NOTCH3: variants seen among roughly 807,000 people sequenced by gnomAD.
NOTCH3 encodes the protein notch receptor 3.
Under a neutral mutation model 213.3 loss-of-function variants are expected in NOTCH3, and 86 were observed. The ratio of observed to expected loss-of-function variants is 0.40; its 90% confidence interval spans 0.34 to 0.48. The LOEUF is 0.48. NOTCH3 is among the 20% of genes least tolerant of loss of function. NOTCH3 has a pLI of 0.57. For missense variants in NOTCH3, 2,783 were observed against 3,272.6 expected, an observed-to-expected ratio of 0.85 and a Z score of 3.65; for synonymous variants, 1,354 against 1,355.9, an observed-to-expected ratio of 1.00 and a Z score of 0.03.
At chr19:15,166,426 A>G (rs1351852367) in intron 29 of NOTCH3, among the ~76,000 whole-genome samples, 1 of 152,176 alleles carries the variant, frequency 6.6e-6, no homozygotes, top group Non-Finnish European at 1.5e-5. Context: ...AACTCAAGGC[A>G]AAGAAACCAT....
rs765912287 is a variant in NOTCH3 at position 15,170,408 on chromosome 19, G to A, written c.5037C>T (p.Gly1679=). ...AGGCCACGTCCTTGTGCAGTGAGAA[G>A]CCCTCAGGGAACCAGAGGGTGCTGT... ...REHSTLWFPE[G]FSLHKDVASG... Residue 1679 remains glycine, a synonymous_variant, in exon 27 of 33, where the codon GGC becomes GGT. Coordinates refer to ENST00000263388, the MANE Select transcript of NOTCH3 (RefSeq NM_000435.3). The A allele has an allele frequency of 1.9e-6, 3 of 1,613,506 alleles. No homozygotes were observed. The highest frequency in any genetic ancestry group is 2.2e-5 in the East Asian group (1 of 44,882).
At chr19:15,166,814 C>A (rs2046689816) in intron 29 of NOTCH3, among the ~76,000 whole-genome samples, 1 of 152,182 alleles carries the variant, frequency 6.6e-6, no homozygotes, top group Admixed American at 6.5e-5. Context: ...CACCAGCAGA[C>A]CCGACCCCCA....
At chr19:15,188,497 A>G in intron 8 of NOTCH3, 149 bp from the exon 9 acceptor site, 1 of 693,234 alleles carries the variant, frequency 1.4e-6, no homozygotes, top group East Asian at 2.7e-5. Context: ...CTTAATTTTC[A>G]GCCACAGGCT....
At chr19:15,189,492 C>A in intron 6 of NOTCH3, 64 bp from the exon 7 acceptor site, 3 of 1,567,618 alleles carry the variant, frequency 1.9e-6, no homozygotes, top group South Asian at 1.1e-5. Flanking sequence ...GCCCACACCC[C>A]TTGAGTATTG....
At chr19:15,179,956 G>A (rs2046825448) in intron 20 of NOTCH3, 116 bp downstream of exon 20, 4 of 701,748 alleles carry the variant, frequency 5.7e-6, no homozygotes, top group Admixed American at 4.6e-5. Flanking sequence ...AGTCACAAAA[G>A]CAAAAACTCA....
At position 15,192,177 on chromosome 19, in the gene NOTCH3, G is replaced by A. The variant is rs2145442113; in HGVS notation, c.462C>T (p.Ser154=). Reference sequence around the variant, plus strand: ...GGCACTCATCCACGTCGCTTCGGCAGCTGCGGCCCTGGTAGCCAGGTGGGC... The same window carrying A: ...GGCACTCATCCACGTCGCTTCGGCAACTGCGGCCCTGGTAGCCAGGTGGGC... ...CSCPPGYQGR[S]CRSDVDECRV... is the part of the protein sequence containing the mutation. Residue 154 remains serine, a synonymous_variant, in exon 4 of 33, where the codon AGC becomes AGT. Coordinates refer to ENST00000263388, the MANE Select transcript of NOTCH3 (RefSeq NM_000435.3). 1 of 1,612,730 alleles carries A rather than the reference G, an allele frequency of 6.2e-7. No homozygotes were observed. Among genetic ancestry groups the A allele is most frequent in the Non-Finnish European group, 8.5e-7 (1 of 1,179,894 alleles).
At chr19:15,186,350 T>C (rs1239696417) in intron 12 of NOTCH3, among the ~76,000 whole-genome samples, 1 of 150,586 alleles carries the variant, frequency 6.6e-6, no homozygotes, top group Admixed American at 6.7e-5. Context: ...TCATCTATGT[T>C]CCAGAATAAT....
In NOTCH3 at chr19:15,178,950, G is replaced by C. The variant is rs767885627; in HGVS notation, c.3719-9C>G. The C allele has an allele frequency of 1.2e-6, 2 of 1,614,046 alleles. No homozygotes were observed. Among genetic ancestry groups the C allele is most frequent in the East Asian group, 2.2e-5 (1 of 44,874 alleles). On this transcript the variant is annotated splice_polypyrimidine_tract_variant and intron_variant, in intron 22 of 32. Coordinates refer to ENST00000263388, the MANE Select transcript of NOTCH3 (RefSeq NM_000435.3). ...AGTCTGACAGCGAGGACCTGAGCGAGCGGGAGCATGTAGATCAGCCACAAT... is the reference window on the plus strand; with the variant it reads ...AGTCTGACAGCGAGGACCTGAGCGACCGGGAGCATGTAGATCAGCCACAAT...
Position 15,199,577 on chromosome 19 carries a change from G to A in NOTCH3, c.118+1211C>T, listed in dbSNP as rs892504813. ...GTATGTCAATGTGTGAGCTGTGTGCGTGCAGCTGGGTGTGTCTTTCCTGAG... is the reference window on the plus strand; with the variant it reads ...GTATGTCAATGTGTGAGCTGTGTGCATGCAGCTGGGTGTGTCTTTCCTGAG... On this transcript the variant is annotated intron_variant, in intron 1 of 32. Coordinates refer to ENST00000263388, the MANE Select transcript of NOTCH3 (RefSeq NM_000435.3). 3.9e-5 allele frequency among the ~76,000 whole-genome samples: 6 copies of A among 152,340 alleles called. 1 individual carries two copies. The highest frequency in any genetic ancestry group is 2.1e-4 in the South Asian group (1 of 4,828).
At chr19:15,180,622 G>A (rs1338025176) in intron 19 of NOTCH3, 59 bp downstream of exon 19, 18 of 1,527,352 alleles carry the variant, frequency 1.2e-5, no homozygotes, top group Non-Finnish European at 1.6e-5. Flanking sequence ...ACTAGCAGGA[G>A]GTACGTGCAT....
In NOTCH3 at chr19:15,161,777, C is replaced by T. The variant is rs2046646268; in HGVS notation, c.5914-63G>A. 12 of 1,453,790 alleles carry T rather than the reference C, an allele frequency of 8.3e-6. No homozygotes were observed. In the South Asian group the frequency reaches 1.5e-4, roughly 18 times the overall value. 90.1% of individuals were successfully genotyped at this position (1,453,790 alleles called of 1,614,324 possible). A position where few individuals can be genotyped will look rare whatever the true frequency, so the allele number is the denominator to read the frequency against. ...AGCTAACAGTAGCAAAGTCTTCCAG[C>T]CTCTTGGGGGAGCCCGAGAGCTATG... On this transcript the variant is annotated intron_variant, in intron 32 of 32. Coordinates refer to ENST00000263388, the MANE Select transcript of NOTCH3 (RefSeq NM_000435.3).
chr19:15,174,139 G>C lies in NOTCH3; in HGVS notation c.4665C>G (p.Val1555=), dbSNP rs2046766522. Residue 1555 remains valine (V), a synonymous_variant, in exon 25 of 33, where the codon GTC becomes GTG. Transcript: ENST00000263388. ...FRLDAHGQAM[V]FPYHRPSPGS... is the part of the protein sequence containing the mutation. ...CAGGACTAGGCCGGTGGTAAGGGAAGACCATGGCCTGGCCGTGCGCGTCCA... is the reference window on the plus strand; with the variant it reads ...CAGGACTAGGCCGGTGGTAAGGGAACACCATGGCCTGGCCGTGCGCGTCCA... The C allele has an allele frequency of 1.2e-6, 2 of 1,608,626 alleles. No homozygotes were observed. Among genetic ancestry groups the C allele is most frequent in the African/African-American group, 2.7e-5 (2 of 74,952 alleles).
At chr19:15,184,806 G>A (rs1568357817) in intron 15 of NOTCH3, 100 bp downstream of exon 15, 2 of 721,902 alleles carry the variant, frequency 2.8e-6, no homozygotes, top group East Asian at 2.7e-5. Flanking sequence ...TCAAAGGCAG[G>A]GCTGGGGATG....
chr19:15,167,539 A>T, intron 28 of NOTCH3, 128 bp from the exon 29 acceptor site: 1 of 818,432 alleles, frequency 1.2e-6, no homozygotes, highest in Non-Finnish European at 2.0e-6. Context: ...CTGGGAAATC[A>T]TTTACCATCT....
At position 15,189,120 on chromosome 19, in the gene NOTCH3, A is replaced by T. The variant is rs749874158; in HGVS notation, c.1247T>A (p.Leu416Gln). 2.5e-6 allele frequency: 4 copies of T among 1,613,262 alleles called. No homozygotes were observed. The highest frequency in any genetic ancestry group is 3.4e-6 in the Non-Finnish European group (4 of 1,180,038). The change falls in exon 8 of 33, where the codon CTG (leucine) becomes CAG (glutamine). Residue 416 changes from leucine to glutamine, a missense_variant. By Grantham distance (113) the Leu-to-Gln change is moderately radical. Transcript: ENST00000263388. The stretch of plus-strand genomic sequence containing the variant: ...AGTGTAGCCACGACCGCACTGGCAC[A>T]GGAAGGAGCCCTGCGTGTTCACGCA... ...GRCVNTQGSF[L>Q]CQCGRGYTGP...
At chr19:15,177,071 TAAAAAAAAAA>T (rs776950725) in intron 24 of NOTCH3, among the ~76,000 whole-genome samples, 10,140 of 79,322 alleles carry the variant, frequency 0.13, 1,288 homozygotes, top group African/African-American at 0.36. Flanking sequence ...GACTCCGTCT[TAAAAAAAAAA>T]AAAAAAAAAA....
rs1214146434 is a variant in NOTCH3 at position 15,178,782 on chromosome 19, A to G, written c.3837+41T>C. The stretch of plus-strand genomic sequence containing the variant: ...CCACGCCCCTACTACTCCAGAGGCC[A>G]CGCCCCTACTCCTCCTCCAAAGGCC... On this transcript the variant is annotated intron_variant, in intron 23 of 32. Transcript: ENST00000263388. 5.6e-6 allele frequency: 8 copies of G among 1,417,268 alleles called. No individual in the cohort carries two copies. In the African/African-American group the frequency reaches 9.9e-5, roughly 18 times the overall value. The allele number at this position is 1,417,268 out of a possible 1,614,324, so 87.8% of individuals were successfully genotyped here. A position where few individuals can be genotyped will look rare whatever the true frequency, so the allele number is the denominator to read the frequency against.
At chr19:15,184,479 G>A in intron 15 of NOTCH3, 29 bp from the exon 16 acceptor site, 1 of 1,612,110 alleles carries the variant, frequency 6.2e-7, no homozygotes. Flanking sequence ...GTTACACCTA[G>A]GGTTACAGGG....
intron 32 of NOTCH3, 142 bp downstream of exon 32, chr19:15,162,323 C>G (rs1386204095): frequency 1.3e-6 from 1 of 749,428 alleles, no homozygotes; most frequent in Admixed American, 2.3e-5. Context: ...ACTTTAGTCA[C>G]CAAAGTAAAT....
Sources: allele counts gnomAD v4.1 joint callset (sites outside exome capture counted in the v4.1 genomes callset), GRCh38; gene constraint gnomAD v4.1.1; transcripts MANE v1.5; gene names NCBI Gene and HGNC (gene_info 2026-07-23, HGNC 2026-07-21).